Variants in OXA1L observed in about 807,000 individuals in gnomAD.
OXA1L encodes the protein mitochondrial inner membrane protein OXA1L.
A neutral mutation model predicts 52.2 loss-of-function variants in OXA1L; 42 were observed. The ratio of observed to expected loss-of-function variants is 0.80; its 90% CI spans 0.63 to 1.04. OXA1L has a LOEUF of 1.04. OXA1L is among the 50% of genes least tolerant of loss of function. The probability of loss-of-function intolerance (pLI) is 0.00; values close to 1 mark genes in which losing one functional copy is unlikely to be tolerated. For synonymous variants in OXA1L, 239 were observed against 201.9 expected, an observed-to-expected ratio of 1.18 and a Z score of -1.56; for missense variants, 572 against 555.0, an observed-to-expected ratio of 1.03 and a Z score of -0.31.
chr14:22,769,224 GGTACC>G, intron 3 of OXA1L, among the ~76,000 whole-genome samples: 1 of 152,126 alleles, frequency 6.6e-6, no homozygotes, highest in East Asian at 1.9e-4. Context: ...CCCAGCCTCT[GGTACC>G]TTCCTTCTAC....
chr14:22,770,043 G>T (rs2038444715), intron 4 of OXA1L, 109 bp downstream of exon 4: 2 of 1,463,256 alleles, frequency 1.4e-6, no homozygotes, highest in Non-Finnish European at 1.9e-6. Flanking sequence ...AGTCGGGAAA[G>T]TTCTAAAGGT....
At chr14:22,770,440 A>T in intron 5 of OXA1L, 21 bp from the exon 6 acceptor site, 1 of 1,608,674 alleles carries the variant, frequency 6.2e-7, no homozygotes, top group Non-Finnish European at 8.5e-7. Flanking sequence ...GCATGCTGAC[A>T]CTGTTTATCT....
At chr14:22,767,001 C>A (rs34237480) in intron 1 of OXA1L, 1 of 1,534,586 alleles carries the variant, frequency 6.5e-7, no homozygotes, top group Non-Finnish European at 8.7e-7. Flanking sequence ...CGGCCTCGTT[C>A]TCAGGGCCCT....
At chr14:22,768,325 C>CTTT in intron 3 of OXA1L, 154 bp downstream of exon 3, 1 of 624,768 alleles carries the variant, frequency 1.6e-6, no homozygotes, top group South Asian at 1.8e-5. Flanking sequence ...TAGATGCACT[C>CTTT]TGCCTATATT....
rs2038492190 is a variant in OXA1L, at chr14:22,772,680, C to G, written c.*1122C>G. On this transcript the variant is annotated 3_prime_UTR_variant, in exon 10 of 10. Transcript: ENST00000612549. ...AAAAATTTCAAGAAGTAGATGTGTG[C>G]AAATTCTTAGTGATAATTAAGAATG... is the stretch of plus-strand genomic sequence containing the variant. 1 of 152,290 alleles carries G rather than the reference C, an allele frequency of 6.6e-6. No individual in the cohort carries two copies. Among genetic ancestry groups the G allele is most frequent in the Non-Finnish European group, 1.5e-5 (1 of 68,244 alleles). The allele number at this position is 152,290 out of a possible 1,614,324, so 9.4% of individuals were successfully genotyped here.
Position 22,768,136 on chromosome 14 carries a change from A to T in OXA1L, c.404A>T (p.Asp135Val). 1 of 1,614,196 alleles carries T rather than the reference A, an allele frequency of 6.2e-7. No homozygotes were observed. Among genetic ancestry groups the T allele is most frequent in the South Asian group, 1.1e-5 (1 of 91,078 alleles). Residue 135 changes from aspartate to valine, a missense_variant, in exon 3 of 10, where the codon GAT becomes GTT. Physicochemically the swap from Asp to Val is radical, Grantham distance 152. Around this residue, in one of 5 missense-constraint regions of OXA1L, gnomAD observed 132 missense variants for 124.0 expected, o/e 1.06. Transcript: ENST00000612549. ...IQNLLEFMHVDLGLPWWGAIA... is the reference protein window; with the variant it reads ...IQNLLEFMHVVLGLPWWGAIA... ...AATTTACTGGAATTTATGCATGTTG[A>T]TCTGGGCCTACCTTGGTGGGGGGCC...
At chr14:22,768,405 T>C in intron 3 of OXA1L, 4 of 537,774 alleles carry the variant, frequency 7.4e-6, no homozygotes, top group Non-Finnish European at 1.0e-5. Flanking sequence ...AATACAAACA[T>C]GGGGTTAGAG....
chr14:22,770,386 A>G, intron 5 of OXA1L, 75 bp from the exon 6 acceptor site: 1 of 1,574,880 alleles, frequency 6.3e-7, no homozygotes, highest in Non-Finnish European at 8.7e-7. Flanking sequence ...TGGATTATAC[A>G]TGGCTTTCAG....
chr14:22,772,320 T>C lies in OXA1L; in HGVS notation c.*762T>C, dbSNP rs1195612454. 6 of 127,972 alleles carry C rather than the reference T, an allele frequency of 4.7e-5. No homozygotes were observed. The highest frequency in any genetic ancestry group is 8.1e-5 in the Non-Finnish European group (5 of 61,622). 7.9% of individuals were successfully genotyped at this position (127,972 alleles called of 1,614,324 possible). A position where few individuals can be genotyped will look rare whatever the true frequency, so the allele number is the denominator to read the frequency against. On this transcript the variant is annotated 3_prime_UTR_variant, in exon 10 of 10. Transcript: ENST00000612549. ...CAACATGGTGAAACCCCGTCTCTAC[T>C]AAAAAAAAAAAAAAAAAAATTAGCC...
At chr14:22,767,917 C>A in intron 2 of OXA1L, 41 bp from the exon 3 acceptor site, 2 of 1,479,874 alleles carry the variant, frequency 1.4e-6, no homozygotes, top group South Asian at 1.2e-5. Flanking sequence ...GCTTTGTGTT[C>A]GCTACTGAAT....
At position 22,772,105 on chromosome 14, in the gene OXA1L, AG is replaced by A. The variant is rs2038474380; in HGVS notation, c.*548del. On this transcript the variant is annotated 3_prime_UTR_variant, in exon 10 of 10. Transcript: ENST00000612549. ...AGAGGGAGACTGTCTCAAAAAAAAA[AG>A]AAAACTGAAGAATAGAGTGAGTCAT... is the stretch of plus-strand genomic sequence containing the variant. The A allele has an allele frequency of 1.5e-5, 2 of 130,558 alleles. No homozygotes were observed. The highest frequency in any genetic ancestry group is 9.0e-5 in the Admixed American group (1 of 11,058). The allele number at this position is 130,558 out of a possible 1,614,324, so 8.1% of individuals were successfully genotyped here.
chr14:22,771,954 CA>C lies in OXA1L; in HGVS notation c.*397del, dbSNP rs2038471073. The C allele has an allele frequency of 5.0e-6, 1 of 199,452 alleles. No individual in the cohort carries two copies. The highest frequency in any genetic ancestry group is 1.0e-5 in the Non-Finnish European group (1 of 96,736). 12.4% of individuals were successfully genotyped at this position (199,452 alleles called of 1,614,324 possible). A position where few individuals can be genotyped will look rare whatever the true frequency, so the allele number is the denominator to read the frequency against. On this transcript the variant is annotated 3_prime_UTR_variant, in exon 10 of 10. Transcript: ENST00000612549. ...ATCTCTGCTGTTTTACAAAAATAGC[CA>C]CACGTGGTGGTGCACACCTGTAGTC...
At position 22,766,707 on chromosome 14, in the gene OXA1L, G is replaced by T. The variant is rs764780338; in HGVS notation, c.6G>T (p.Ala2=). M[A]MGLMCGRREL... is the part of the protein sequence containing the mutation. ...CAAGTCCTCTTCCGGGCAAAATGGC[G>T]ATGGGACTAATGTGCGGACGCCGGG... is the stretch of plus-strand genomic sequence containing the variant. Residue 2 remains alanine (A), a synonymous_variant, in exon 1 of 10, where the codon GCG becomes GCT. Transcript: ENST00000612549. The T allele has an allele frequency of 5.0e-6, 8 of 1,614,274 alleles. No homozygotes were observed. The East Asian group carries it at 1.3e-4, about 27-fold the overall frequency.
chr14:22,766,851 A>G, intron 1 of OXA1L, 87 bp downstream of exon 1: 1 of 1,581,766 alleles, frequency 6.3e-7, no homozygotes, highest in Non-Finnish European at 8.6e-7. Context: ...GGGTATCAGC[A>G]GACGCTGACC....
Position 22,771,424 on chromosome 14 carries a change from C to T in OXA1L, c.1184-10C>T, listed in dbSNP as rs769005829. ...TCTTCGTTGAAATTTGTTTTCTCTT[C>T]TCCCCTCAGGTCCTTTACGACAGAC... On this transcript the variant is annotated splice_polypyrimidine_tract_variant and intron_variant, in intron 9 of 9. Coordinates refer to ENST00000612549, the MANE Select transcript of OXA1L (RefSeq NM_005015.5). The T allele has an allele frequency of 1.2e-6, 2 of 1,614,116 alleles. No individual in the cohort carries two copies. The highest frequency in any genetic ancestry group is 1.1e-5 in the South Asian group (1 of 91,086).
rs772532770 is a variant in OXA1L, at chr14:22,771,336, C to G, written c.1171C>G (p.Leu391Val). 1.9e-6 allele frequency: 3 copies of G among 1,614,190 alleles called. No individual in the cohort carries two copies. Among genetic ancestry groups the G allele is most frequent in the Non-Finnish European group, 2.5e-6 (3 of 1,179,990 alleles). Reference sequence around the variant, plus strand: ...ACAACGCATGCGGAATCAGTTGGAGCTAGCAGCCAGGGGTAAATAGTCCTT... The same window carrying G: ...ACAACGCATGCGGAATCAGTTGGAGGTAGCAGCCAGGGGTAAATAGTCCTT... ...REQRMRNQLE[L>V]AARGPLRQTF... Residue 391 changes from leucine to valine, a missense_variant, in exon 9 of 10, where the codon CTA becomes GTA. Physicochemically the swap from Leu to Val is conservative, Grantham distance 32 (BLOSUM62 1). Around this residue, in one of 5 missense-constraint regions of OXA1L, gnomAD observed 244 missense variants for 240.2 expected, o/e 1.02. Coordinates refer to ENST00000612549, the MANE Select transcript of OXA1L (RefSeq NM_005015.5).
In OXA1L at chr14:22,767,400, A is replaced by G. The variant is rs1393123963; in HGVS notation, c.216A>G (p.Ala72=). 4.4e-6 allele frequency: 7 copies of G among 1,605,700 alleles called. No homozygotes were observed. The East Asian group carries it at 6.7e-5, about 15-fold the overall frequency. ...RSLSTSAISF[A]EVQVQAPPVV... is the part of the protein sequence containing the mutation. ...TCAGTACCTCTGCTATCTCTTTTGC[A>G]GAAGTCCAGGTAAGAGGCCTTTCGT... The change falls in exon 2 of 10, where the codon GCA becomes GCG. Residue 72 remains alanine (A), a synonymous_variant. Coordinates refer to ENST00000612549, the MANE Select transcript of OXA1L (RefSeq NM_005015.5).
rs1214093130 is a variant in OXA1L, at chr14:22,770,855, T to C, written c.885T>C (p.Asn295=). 1.6e-5 allele frequency: 26 copies of C among 1,614,178 alleles called. No individual in the cohort carries two copies. Among genetic ancestry groups the C allele is most frequent in the Non-Finnish European group, 2.1e-5 (25 of 1,180,008 alleles). Residue 295 remains asparagine (N), a synonymous_variant, in exon 7 of 10, where the codon AAT becomes AAC. Transcript: ENST00000612549. ...VQSSDLQWMR[N]VIRMMPLITL... ...GTTCTGACCTTCAGTGGATGAGAAA[T>C]GTCATCAGAATGATGCCCCTGATAA...
In OXA1L at chr14:22,767,350, C is replaced by G. The variant is rs767636955; in HGVS notation, c.166C>G (p.Leu56Val). Residue 56 changes from leucine (L) to valine (V), a missense_variant, in exon 2 of 10, where the codon CTT becomes GTT. Coordinates refer to ENST00000612549, the MANE Select transcript of OXA1L (RefSeq NM_005015.5). ...CTGCTGTCGCCCACACTACCTCTTC[C>G]TTGCGGCTTCCGGCCCCCGCAGCCT... ...PCCCRPHYLF[L>V]AASGPRSLST... 8 of 1,613,810 alleles carry G rather than the reference C, an allele frequency of 5.0e-6. No homozygotes were observed. The highest frequency in any genetic ancestry group is 5.9e-6 in the Non-Finnish European group (7 of 1,179,956).
Sources: gnomAD v4.1 joint callset for allele counts (sites outside exome capture counted in the v4.1 genomes callset) on GRCh38, gnomAD v4.1.1 for gene constraint, gnomAD v4.1.1 regional missense constraint, MANE v1.5 for transcripts, NCBI Gene and HGNC (gene_info 2026-07-23, HGNC 2026-07-21) for gene names.